The following DCLK3 variants were observed in gnomAD, a reference collection of about 807,000 sequenced individuals.
The protein encoded by DCLK3 is doublecortin like kinase 3.
A neutral mutation model predicts 46.4 loss-of-function variants in DCLK3; 30 were observed. That is an observed-to-expected ratio of 0.65 (90% confidence interval 0.48 to 0.88). The LOEUF (loss-of-function observed/expected upper bound fraction) is 0.88, where lower values mean the gene tolerates loss of function less well. Ranked by LOEUF, DCLK3 falls within the 40% of genes least tolerant of loss-of-function variation. The pLI, the probability that DCLK3 is intolerant of heterozygous loss-of-function variation, is 0.00. For synonymous variants in DCLK3, 401 were observed against 339.2 expected, an observed-to-expected ratio of 1.18 and a Z score of -2.00; for missense variants, 846 against 907.1, an observed-to-expected ratio of 0.93 and a Z score of 0.87.
At chr3:36,729,497 A>G (rs923575366) in intron 2 of DCLK3, among the ~76,000 whole-genome samples, 1 of 152,224 alleles carries the variant, frequency 6.6e-6, no homozygotes, top group African/African-American at 2.4e-5. Context: ...TTGGAATTCA[A>G]GTGGTCTACA....
rs756321935 is a variant in DCLK3 at position 36,738,687 on chromosome 3, G to T, written c.480C>A (p.Phe160Leu). The change falls in exon 2 of 5, where the codon TTC becomes TTA. Residue 160 changes from phenylalanine (F) to leucine (L), a missense_variant. Phe to Leu is a conservative substitution (Grantham distance 22, BLOSUM62 0). This residue lies in a region of DCLK3 where 553 missense variants were observed against 543.0 expected (regional missense o/e 1.02). Coordinates refer to ENST00000636136, the MANE Select transcript of DCLK3 (RefSeq NM_001394672.2). ...KGREIRSVSDFFREGDAFIAM... is the reference protein window; with the variant it reads ...KGREIRSVSDLFREGDAFIAM... ...CTATGAAAGCATCCCCTTCCCTGAA[G>T]AAATCAGAGACGCTCCTGATTTCCC... The T allele has an allele frequency of 8.3e-6, 11 of 1,325,996 alleles. No individual in the cohort carries two copies. In the East Asian group the frequency reaches 1.7e-4, roughly 20 times the overall value. 82.1% of individuals were successfully genotyped at this position (1,325,996 alleles called of 1,614,324 possible). A position where few individuals can be genotyped will look rare whatever the true frequency, so the allele number is the denominator to read the frequency against.
At chr3:36,746,125 G>A (rs529802873) in intron 1 of DCLK3, among the ~76,000 whole-genome samples, 1 of 152,132 alleles carries the variant, frequency 6.6e-6, no homozygotes, top group African/African-American at 2.4e-5. Context: ...TAATTAAAGA[G>A]ACTTTTTCCT....
chr3:36,750,651 G>A (rs1313086233), intron 1 of DCLK3, among the ~76,000 whole-genome samples: 1 of 152,166 alleles, frequency 6.6e-6, no homozygotes. Context: ...CTGTGTGGGC[G>A]CAGATCTTTG....
In DCLK3 at chr3:36,738,812, C is replaced by G; in HGVS notation, c.355G>C (p.Val119Leu). 1.0e-6 allele frequency: 1 copy of G among 966,796 alleles called. No individual in the cohort carries two copies. Among genetic ancestry groups the G allele is most frequent in the Non-Finnish European group, 1.4e-6 (1 of 723,424 alleles). 59.9% of individuals were successfully genotyped at this position (966,796 alleles called of 1,614,324 possible). Residue 119 changes from valine (V) to leucine (L), a missense_variant, in exon 2 of 5, where the codon GTG becomes CTG. By Grantham distance (32) the Val-to-Leu change is conservative. This residue lies in a region of DCLK3 where 553 missense variants were observed against 543.0 expected (regional missense o/e 1.02). Coordinates refer to ENST00000636136, the MANE Select transcript of DCLK3 (RefSeq NM_001394672.2). ...KITLLLNRRS[V>L]QTFEQLLADI... ...GCTAAGAGCTGCTCGAACGTCTGCA[C>G]TGATCGCCTGTTGAGGAGCAGAGTG...
chr3:36,749,604 T>C (rs1701421852), intron 1 of DCLK3, among the ~76,000 whole-genome samples: 1 of 152,224 alleles, frequency 6.6e-6, no homozygotes, highest in Non-Finnish European at 1.5e-5. Flanking sequence ...AAACCATCTG[T>C]CAGTGCCTGG....
intron 1 of DCLK3, among the ~76,000 whole-genome samples, chr3:36,752,639 T>C (rs1701451819): frequency 6.6e-6 from 1 of 152,218 alleles, no homozygotes; most frequent in Non-Finnish European, 1.5e-5. Context: ...TTCCTGCCTT[T>C]GTTCAGGTCT....
chr3:36,761,824 C>T (rs573998426), intron 1 of DCLK3, among the ~76,000 whole-genome samples: 4 of 152,244 alleles, frequency 2.6e-5, no homozygotes, highest in Admixed American at 2.0e-4. Context: ...CACCACCACC[C>T]GCCTGCAGGC....
chr3:36,757,629 G>C (rs1701497712), intron 1 of DCLK3, among the ~76,000 whole-genome samples: 1 of 152,136 alleles, frequency 6.6e-6, no homozygotes, highest in Non-Finnish European at 1.5e-5. Flanking sequence ...AAGAAAAATA[G>C]ACACTGCAAG....
chr3:36,764,511 G>A lies in DCLK3; in HGVS notation c.-248C>T, dbSNP rs1424594806. Among the ~76,000 whole-genome samples the A allele has an allele frequency of 3.3e-5, 5 of 152,188 alleles. No individual in the cohort carries two copies. In the East Asian group the frequency reaches 9.7e-4, roughly 30 times the overall value. On this transcript the variant is annotated 5_prime_UTR_variant, in exon 1 of 5. Coordinates refer to ENST00000636136, the MANE Select transcript of DCLK3 (RefSeq NM_001394672.2). This position sits in a 1 kb window ranked among gnomAD's most constrained non-coding sequence, Gnocchi z 4.9. ...TAGCAACCGCGCACCAGCTGCAGCC[G>A]CCCTCTCTGCGCCGGTCCCGCCATG...
intron 2 of DCLK3, among the ~76,000 whole-genome samples, chr3:36,733,595 C>T (rs1701224849): frequency 6.6e-6 from 1 of 152,196 alleles, no homozygotes. Flanking sequence ...GCCCAGCCAA[C>T]ACCACCCAGC....
chr3:36,725,814 A>T (rs1249100951), intron 2 of DCLK3, among the ~76,000 whole-genome samples: 1 of 152,182 alleles, frequency 6.6e-6, no homozygotes, highest in Non-Finnish European at 1.5e-5. Context: ...AGGCACACTC[A>T]CCTTCACTCT....
chr3:36,719,495 T>G (rs989040721), intron 3 of DCLK3, among the ~76,000 whole-genome samples: 2 of 152,232 alleles, frequency 1.3e-5, no homozygotes, highest in South Asian at 4.1e-4. Flanking sequence ...TCATCAATCC[T>G]AGAAATGTCC....
In DCLK3 at chr3:36,738,159, C is replaced by T. The variant is rs1377709103; in HGVS notation, c.1008G>A (p.Gly336=). 6.2e-7 allele frequency: 1 copy of T among 1,614,064 alleles called. No homozygotes were observed. Among genetic ancestry groups the T allele is most frequent in the South Asian group, 1.1e-5 (1 of 91,026 alleles). The change falls in exon 2 of 5, where the codon GGG becomes GGA. Residue 336 remains glycine, a synonymous_variant. Coordinates refer to ENST00000636136, the MANE Select transcript of DCLK3 (RefSeq NM_001394672.2). Reference sequence around the variant, plus strand: ...TCTCCACATCATACATTGGGCCCTTCCCCATATCCAGCTCACTGGTCCCCA... The same window carrying T: ...TCTCCACATCATACATTGGGCCCTTTCCCATATCCAGCTCACTGGTCCCCA... ...LSLGTSELDM[G]KGPMYDVEKL...
At position 36,737,974 on chromosome 3, in the gene DCLK3, G is replaced by A; in HGVS notation, c.1193C>T (p.Pro398Leu). The change falls in exon 2 of 5, where the codon CCA becomes CTA. Residue 398 changes from proline to leucine, a missense_variant. Coordinates refer to ENST00000636136, the MANE Select transcript of DCLK3 (RefSeq NM_001394672.2). This position sits in a 1 kb window ranked among gnomAD's most constrained non-coding sequence, Gnocchi z 4.4. The part of the protein sequence containing the change: ...KSMDKKEDRG[P>L]EDQESHAQGA... ...CTGAGCATGGCTTTCTTGATCCTCT[G>A]GGCCTCTGTCCTCTTTCTTGTCCAT... 1 of 1,614,112 alleles carries A rather than the reference G, an allele frequency of 6.2e-7. No individual in the cohort carries two copies. Among genetic ancestry groups the A allele is most frequent in the East Asian group, 2.2e-5 (1 of 44,872 alleles).
At chr3:36,758,083 C>G (rs184488858) in intron 1 of DCLK3, among the ~76,000 whole-genome samples, 1 of 152,304 alleles carries the variant, frequency 6.6e-6, no homozygotes, top group African/African-American at 2.4e-5. Flanking sequence ...AACCATAAAG[C>G]TGGTCATCTA....
chr3:36,749,486 T>C (rs1185916548), intron 1 of DCLK3, among the ~76,000 whole-genome samples: 1 of 152,242 alleles, frequency 6.6e-6, no homozygotes, highest in African/African-American at 2.4e-5. Context: ...TCTAAAAGCA[T>C]ACTCCATCTC....
chr3:36,722,676 A>G (rs1015259439), intron 2 of DCLK3, among the ~76,000 whole-genome samples: 1 of 152,178 alleles, frequency 6.6e-6, no homozygotes, highest in Non-Finnish European at 1.5e-5. Context: ...GAGATCTGAC[A>G]GTTTTAAAAA....
In DCLK3 at chr3:36,738,646, G is replaced by T; in HGVS notation, c.521C>A (p.Pro174Gln). 1 of 1,334,284 alleles carries T rather than the reference G, an allele frequency of 7.5e-7. No homozygotes were observed. The highest frequency in any genetic ancestry group is 9.7e-7 in the Non-Finnish European group (1 of 1,034,756). The allele number at this position is 1,334,284 out of a possible 1,614,324, so 82.7% of individuals were successfully genotyped here. ...CACCTGAATGCTCTTCAGTGTCAGT[G>T]GTTCTTTGCCCATAGCTATGAAAGC... is the stretch of plus-strand genomic sequence containing the variant. ...GDAFIAMGKE[P>Q]LTLKSIQVAV... The change falls in exon 2 of 5, where the codon CCA (proline) becomes CAA (glutamine). Residue 174 changes from proline (P) to glutamine (Q), a missense_variant. By Grantham distance (76) the Pro-to-Gln change is moderately conservative (BLOSUM62 -1). Transcript: ENST00000636136.
chr3:36,715,608 T>G, intron 4 of DCLK3, 87 bp from the exon 5 acceptor site: 1 of 1,427,534 alleles, frequency 7.0e-7, no homozygotes, highest in Non-Finnish European at 9.3e-7. Flanking sequence ...AACATAAACA[T>G]TCACGTCAGC....
Sources: allele counts gnomAD v4.1 joint callset (sites outside exome capture counted in the v4.1 genomes callset), GRCh38; gene constraint gnomAD v4.1.1; regional missense constraint gnomAD v4.1.1; non-coding constraint Gnocchi (gnomAD v3.1); transcripts MANE v1.5; gene names NCBI Gene and HGNC (gene_info 2026-07-23, HGNC 2026-07-21).